The following IFT88 variants were observed in gnomAD, a reference collection of about 807,000 sequenced individuals.
The protein encoded by IFT88 is intraflagellar transport 88.
Under a neutral mutation model 119.5 loss-of-function variants are expected in IFT88, and 74 were observed. The ratio of observed to expected loss-of-function variants is 0.62; its 90% confidence interval spans 0.51 to 0.75. IFT88 has a LOEUF of 0.75. IFT88 is among the 30% of genes least tolerant of loss of function. The pLI, the probability that IFT88 is intolerant of heterozygous loss-of-function variation, is 0.00. For synonymous variants in IFT88, 279 were observed against 316.7 expected, an observed-to-expected ratio of 0.88 and a Z score of 1.26; for missense variants, 961 against 977.7, an observed-to-expected ratio of 0.98 and a Z score of 0.23.
At chr13:20,595,021 G>A (rs967672663) in intron 7 of IFT88, among the ~76,000 whole-genome samples, 1 of 126,124 alleles carries the variant, frequency 7.9e-6, no homozygotes, top group Admixed American at 7.6e-5. Flanking sequence ...CAACATTACT[G>A]TTATTTTGAA....
At chr13:20,634,283 A>G (rs894966757) in intron 16 of IFT88, among the ~76,000 whole-genome samples, 3 of 152,198 alleles carry the variant, frequency 2.0e-5, no homozygotes, top group African/African-American at 7.2e-5. Context: ...CACTGGAGTC[A>G]TTATTGTAAT....
chr13:20,649,555 A>G (rs531860806), intron 20 of IFT88, among the ~76,000 whole-genome samples: 24 of 152,156 alleles, frequency 1.6e-4, no homozygotes, highest in Non-Finnish European at 2.1e-4. Flanking sequence ...GAAAGATCCC[A>G]AGTTAGTAAC....
In IFT88 at chr13:20,641,149, A is replaced by G. The variant is rs767442493; in HGVS notation, c.1574-141A>G. The G allele has an allele frequency of 2.8e-4, 162 of 583,320 alleles. 1 individual carries two copies. The highest frequency in any genetic ancestry group is 1.3e-3 in the South Asian group (52 of 41,166). 36.1% of individuals were successfully genotyped at this position (583,320 alleles called of 1,614,324 possible). A position where few individuals can be genotyped will look rare whatever the true frequency, so the allele number is the denominator to read the frequency against. On this transcript the variant is annotated intron_variant, in intron 17 of 25. Coordinates refer to ENST00000351808, the MANE Select transcript of IFT88 (RefSeq NM_006531.5). ...GCAGCAGGAGTGAGACCCTGTATCAAAAAACAAAAACCTGAGTTCATCTTC... is the reference window on the plus strand; with the variant it reads ...GCAGCAGGAGTGAGACCCTGTATCAGAAAACAAAAACCTGAGTTCATCTTC...
At chr13:20,580,555 A>G (rs2038374749) in intron 2 of IFT88, among the ~76,000 whole-genome samples, 1 of 152,042 alleles carries the variant, frequency 6.6e-6, no homozygotes, top group Non-Finnish European at 1.5e-5. Flanking sequence ...AACCTAAAGA[A>G]GTATTTTCTC....
intron 3 of IFT88, among the ~76,000 whole-genome samples, chr13:20,585,293 C>CA (rs2039462572): frequency 6.6e-6 from 1 of 152,120 alleles, no homozygotes. Context: ...TGGAAAGACT[C>CA]AAAGAACTCA....
At chr13:20,605,620 A>G (rs1382165699) in intron 13 of IFT88, among the ~76,000 whole-genome samples, 5 of 152,130 alleles carry the variant, frequency 3.3e-5, no homozygotes, top group African/African-American at 9.7e-5. Flanking sequence ...ACAACCAATT[A>G]TCCATCTCCC....
At chr13:20,583,051 T>TA (rs771911171) in intron 3 of IFT88, 32 bp downstream of exon 3, 37 of 1,332,090 alleles carry the variant, frequency 2.8e-5, no homozygotes, top group Admixed American at 1.2e-4. Context: ...TAAATTGTGG[T>TA]AAAAAATACA....
intron 9 of IFT88, among the ~76,000 whole-genome samples, chr13:20,598,445 A>C (rs2042103253): frequency 6.6e-6 from 1 of 152,194 alleles, no homozygotes; most frequent in Non-Finnish European, 1.5e-5. Context: ...TAGAAAATTA[A>C]GGTGAAATTT....
rs1195334225 is a variant in IFT88 at position 20,567,977 on chromosome 13, A to G, written c.-7+721A>G. 2.8e-6 allele frequency: 2 copies of G among 712,488 alleles called. No individual in the cohort carries two copies. The highest frequency in any genetic ancestry group is 5.2e-6 in the Non-Finnish European group (2 of 384,760). 44.1% of individuals were successfully genotyped at this position (712,488 alleles called of 1,614,324 possible). ...GAAGAAGAATTGTCTTGGGCCACAC[A>G]TGAAATTCACAAACACTAAGGTAGC... On this transcript the variant is annotated intron_variant, in intron 1 of 25. Transcript: ENST00000351808.
intron 20 of IFT88, among the ~76,000 whole-genome samples, chr13:20,646,142 C>G (rs979319289): frequency 1.4e-4 from 21 of 152,152 alleles, no homozygotes; most frequent in African/African-American, 4.6e-4. Flanking sequence ...CTTACCTTAC[C>G]TAGTCTAGCT....
chr13:20,604,971 A>G (rs932486428), intron 12 of IFT88, 64 bp from the exon 13 acceptor site: 12 of 853,132 alleles, frequency 1.4e-5, no homozygotes, highest in Middle Eastern at 2.2e-4. Context: ...AAAACAAAAC[A>G]AAAATTAAGT....
chr13:20,626,533 T>C (rs1182390083), intron 15 of IFT88, among the ~76,000 whole-genome samples: 1 of 152,202 alleles, frequency 6.6e-6, no homozygotes, highest in Non-Finnish European at 1.5e-5. Context: ...GAGTCTGCCA[T>C]CCTCACCAGA....
chr13:20,671,779 C>G (rs1396948610), intron 24 of IFT88, among the ~76,000 whole-genome samples: 1 of 152,162 alleles, frequency 6.6e-6, no homozygotes, highest in Non-Finnish European at 1.5e-5. Context: ...TATAAATATA[C>G]CTACATTCTC....
intron 16 of IFT88, among the ~76,000 whole-genome samples, chr13:20,634,707 G>A (rs1480006661): frequency 6.7e-6 from 1 of 148,394 alleles, no homozygotes; most frequent in Non-Finnish European, 1.5e-5. Flanking sequence ...CAGCCTGGGC[G>A]ACAGAACGAG....
At chr13:20,620,968 G>A (rs2046383454) in intron 14 of IFT88, among the ~76,000 whole-genome samples, 2 of 152,206 alleles carry the variant, frequency 1.3e-5, no homozygotes, top group South Asian at 4.1e-4. Flanking sequence ...CAGACAGCCA[G>A]CCTGCTGGCG....
intron 13 of IFT88, among the ~76,000 whole-genome samples, chr13:20,610,626 C>T (rs774052781): frequency 6.6e-6 from 1 of 150,448 alleles, no homozygotes; most frequent in Non-Finnish European, 1.5e-5. Context: ...TCTTTCAGAA[C>T]CTACTTTCCT....
At position 20,643,359 on chromosome 13, in the gene IFT88, G is replaced by T. The variant is rs574702184; in HGVS notation, c.1683-96G>T. 12 of 937,556 alleles carry T rather than the reference G, an allele frequency of 1.3e-5. No homozygotes were observed. The East Asian group carries it at 3.0e-4, about 23-fold the overall frequency. The allele number at this position is 937,556 out of a possible 1,614,324, so 58.1% of individuals were successfully genotyped here. On this transcript the variant is annotated intron_variant, in intron 18 of 25. Transcript: ENST00000351808. Reference sequence around the variant, plus strand: ...AAACAGTATACAATAGCACATTACTGTAGGCTAAGAAATATTGTTACTGTA... The same window carrying T: ...AAACAGTATACAATAGCACATTACTTTAGGCTAAGAAATATTGTTACTGTA...
At chr13:20,607,868 C>G in intron 13 of IFT88, 1 of 715,306 alleles carries the variant, frequency 1.4e-6, no homozygotes, top group Non-Finnish European at 2.7e-6. Context: ...CTGCCCAACC[C>G]AGTCACCAGC....
At chr13:20,662,713 T>C (rs562291212) in intron 22 of IFT88, among the ~76,000 whole-genome samples, 2 of 151,768 alleles carry the variant, frequency 1.3e-5, no homozygotes, top group Non-Finnish European at 2.9e-5. Flanking sequence ...GCAAAGGCCA[T>C]TCTTACAAAT....
Sources: gnomAD v4.1 joint callset for allele counts (sites outside exome capture counted in the v4.1 genomes callset) on GRCh38, gnomAD v4.1.1 for gene constraint, MANE v1.5 for transcripts, NCBI Gene and HGNC (gene_info 2026-07-23, HGNC 2026-07-21) for gene names.